Variants in TMEM45A observed in about 807,000 individuals in gnomAD.
TMEM45A encodes the protein DNA polymerase-transactivated protein 4.
TMEM45A carries 25 observed loss-of-function variants against 32.0 expected under a neutral mutation model. That is an observed-to-expected ratio of 0.78 (90% CI 0.57 to 1.09). The LOEUF is 1.09. TMEM45A is among the 50% of genes least tolerant of loss of function. The pLI is 0.00. For synonymous variants in TMEM45A, 122 were observed against 114.8 expected (o/e 1.06, Z -0.40); for missense variants, 302 against 325.0 (o/e 0.93, Z 0.54).
intron 5 of TMEM45A, chr3:100,571,305 T>C (rs371779898): frequency 1.3e-5 from 2 of 152,174 alleles, no homozygotes; most frequent in African/African-American, 4.8e-5. Context: ...GCTGTAGATA[T>C]GCCTAAATGT....
intron 1 of TMEM45A, among the ~76,000 whole-genome samples, chr3:100,549,215 C>G (rs1427097331): frequency 1.3e-5 from 2 of 151,812 alleles, no homozygotes. Flanking sequence ...CCACTGCACT[C>G]CAGCCTGGGC....
At chr3:100,513,302 G>C (rs1436636290) in intron 1 of TMEM45A, among the ~76,000 whole-genome samples, 1 of 152,178 alleles carries the variant, frequency 6.6e-6, no homozygotes, top group Non-Finnish European at 1.5e-5. Flanking sequence ...TCATCCCTGG[G>C]ATGCAAGGCT....
chr3:100,519,043 A>G (rs1208058648), intron 1 of TMEM45A: 1 of 156,680 alleles, frequency 6.4e-6, no homozygotes, highest in Non-Finnish European at 1.4e-5. Flanking sequence ...TGGGTTGACA[A>G]TCAGATTTAC....
chr3:100,533,965 A>C (rs1705696551), intron 1 of TMEM45A, among the ~76,000 whole-genome samples: 1 of 152,124 alleles, frequency 6.6e-6, no homozygotes, highest in African/African-American at 2.4e-5. Flanking sequence ...CACTCAGACT[A>C]ATTGAAGGAG....
At chr3:100,537,933 C>T (rs967287903) in intron 1 of TMEM45A, among the ~76,000 whole-genome samples, 1 of 152,200 alleles carries the variant, frequency 6.6e-6, no homozygotes, top group South Asian at 2.1e-4. Flanking sequence ...ACAGCTTTCT[C>T]GTCTGGGTTG....
chr3:100,512,318 T>A (rs1166860953), intron 1 of TMEM45A, among the ~76,000 whole-genome samples: 4 of 152,092 alleles, frequency 2.6e-5, no homozygotes, highest in South Asian at 2.1e-4. Context: ...GGATTAAGAA[T>A]CTCACTCAAA....
rs957630694 is a variant in TMEM45A at position 100,576,525 on chromosome 3, C to G, written c.735-400C>G. 4.0e-5 allele frequency among the ~76,000 whole-genome samples: 6 copies of G among 151,660 alleles called. No individual in the cohort carries two copies. The East Asian group carries it at 9.7e-4, about 24-fold the overall frequency. On this transcript the variant is annotated intron_variant, in intron 5 of 5. Coordinates refer to ENST00000323523, the MANE Select transcript of TMEM45A (RefSeq NM_018004.3). ...ATTCCAGCTACTCAGGAGGCTGAGG[C>G]AGGAGGATTGCTTGAACCTGGGAGG...
chr3:100,560,727 A>G (rs1188111841), intron 4 of TMEM45A, among the ~76,000 whole-genome samples: 1 of 152,230 alleles, frequency 6.6e-6, no homozygotes, highest in Non-Finnish European at 1.5e-5. Flanking sequence ...GAAATATTCA[A>G]ATAAAGAAAG....
At chr3:100,500,335 C>T (rs916464063) in intron 1 of TMEM45A, among the ~76,000 whole-genome samples, 6 of 151,974 alleles carry the variant, frequency 3.9e-5, no homozygotes, top group Non-Finnish European at 8.8e-5. Context: ...ATACTGTGTC[C>T]TGGAGAACAG....
At chr3:100,551,789 G>C (rs999479153) in intron 1 of TMEM45A, among the ~76,000 whole-genome samples, 10 of 152,176 alleles carry the variant, frequency 6.6e-5, no homozygotes, top group African/African-American at 2.2e-4. Context: ...AGAAAGATTG[G>C]AACCATCAGA....
At chr3:100,531,008 T>C (rs575690142) in intron 1 of TMEM45A, among the ~76,000 whole-genome samples, 10 of 152,274 alleles carry the variant, frequency 6.6e-5, no homozygotes, top group South Asian at 2.1e-4. Flanking sequence ...GCTTTTTTTT[T>C]CCTGCAAAAA....
At chr3:100,576,459 A>C (rs1203950110) in intron 5 of TMEM45A, among the ~76,000 whole-genome samples, 2 of 151,992 alleles carry the variant, frequency 1.3e-5, no homozygotes, top group Non-Finnish European at 2.9e-5. Flanking sequence ...TCCGTTTAAA[A>C]AAAAATAATA....
chr3:100,514,483 G>T (rs1191170377), intron 1 of TMEM45A, among the ~76,000 whole-genome samples: 7 of 151,846 alleles, frequency 4.6e-5, no homozygotes, highest in African/African-American at 1.7e-4. Context: ...ATTCAAGATG[G>T]ATTAAAGACT....
intron 1 of TMEM45A, among the ~76,000 whole-genome samples, chr3:100,513,572 G>A (rs1263671994): frequency 6.0e-5 from 9 of 150,642 alleles, no homozygotes; most frequent in African/African-American, 2.2e-4. Flanking sequence ...GCACAAGACA[G>A]TGATGCCCTC....
intron 1 of TMEM45A, among the ~76,000 whole-genome samples, chr3:100,544,134 T>C (rs1705940032): frequency 6.6e-6 from 1 of 152,082 alleles, no homozygotes; most frequent in African/African-American, 2.4e-5. Context: ...TTGTACATGA[T>C]AAAAGTTTGA....
intron 1 of TMEM45A, among the ~76,000 whole-genome samples, chr3:100,544,931 T>C (rs1251673499): frequency 6.6e-6 from 1 of 152,170 alleles, no homozygotes; most frequent in Non-Finnish European, 1.5e-5. Flanking sequence ...CATGGGGCTG[T>C]TCTATTTGTG....
Position 100,575,073 on chromosome 3 carries a change from A to C in TMEM45A, c.735-1852A>C, listed in dbSNP as rs569044065. 1.1e-4 allele frequency among the ~76,000 whole-genome samples: 17 copies of C among 152,324 alleles called. 1 individual carries two copies. The South Asian group carries it at 3.5e-3, about 32-fold the overall frequency. On this transcript the variant is annotated intron_variant, in intron 5 of 5. Coordinates refer to ENST00000323523, the MANE Select transcript of TMEM45A (RefSeq NM_018004.3). ...TAGCAGAAAATAAGGGTAAAGATGC[A>C]GGTAGACTGGTGAAATTTTTCATTT...
intron 2 of TMEM45A, among the ~76,000 whole-genome samples, chr3:100,556,046 A>T (rs1212705272): frequency 6.6e-6 from 1 of 151,642 alleles, no homozygotes; most frequent in East Asian, 1.9e-4. Context: ...GTGCAGTGGC[A>T]TTATCTTGGC....
chr3:100,524,865 CA>C (rs773907674), intron 1 of TMEM45A, among the ~76,000 whole-genome samples: 1 of 151,890 alleles, frequency 6.6e-6, no homozygotes, highest in Non-Finnish European at 1.5e-5. Flanking sequence ...TCTTAATTTC[CA>C]CACAAGTCTG....
Sources: gnomAD v4.1 joint callset for allele counts (sites outside exome capture counted in the v4.1 genomes callset) on GRCh38, gnomAD v4.1.1 for gene constraint, MANE v1.5 for transcripts, NCBI Gene and HGNC (gene_info 2026-07-23, HGNC 2026-07-21) for gene names.